Variants in CEP85L observed in about 807,000 individuals in gnomAD.
CEP85L encodes the protein centrosomal protein of 85 kDa-like.
CEP85L carries 60 observed loss-of-function variants against 100.3 expected under a neutral mutation model. The ratio of observed to expected loss-of-function variants is 0.60; its 90% CI spans 0.49 to 0.74. The LOEUF is 0.74. Ranked by LOEUF, CEP85L falls within the 30% of genes least tolerant of loss-of-function variation. The pLI is 0.00. For synonymous variants in CEP85L, 319 were observed against 322.7 expected (o/e 0.99, Z 0.12); for missense variants, 973 against 936.2 (o/e 1.04, Z -0.51).
chr6:118,496,659 G>T (rs540159528), intron 5 of CEP85L, among the ~76,000 whole-genome samples: 1 of 152,198 alleles, frequency 6.6e-6, no homozygotes, highest in South Asian at 2.1e-4. Flanking sequence ...GGCCAGAAGT[G>T]ATTGCTTTCT....
At chr6:118,632,298 G>A (rs913165871) in intron 2 of CEP85L, among the ~76,000 whole-genome samples, 155 bp downstream of exon 2, 3 of 152,122 alleles carry the variant, frequency 2.0e-5, no homozygotes, top group Admixed American at 6.6e-5. Flanking sequence ...CGATTAGAGG[G>A]ACAATTTTAT....
At chr6:118,612,984 C>A (rs1418989588) in intron 2 of CEP85L, among the ~76,000 whole-genome samples, 1 of 151,664 alleles carries the variant, frequency 6.6e-6, no homozygotes, top group Non-Finnish European at 1.5e-5. Context: ...TTTGGGAGGT[C>A]GAGGCGGGCG....
chr6:118,463,451 C>T lies in CEP85L; in HGVS notation c.*1954G>A, dbSNP rs1013044837. On this transcript the variant is annotated 3_prime_UTR_variant, in exon 13 of 13. Transcript: ENST00000368491. ...AGAGAGTGTAAAAATATTTGCTGCA[C>T]TTGTGGCTGATCTATTTTAGACGTT... 2.6e-5 allele frequency: 4 copies of T among 151,936 alleles called. No individual in the cohort carries two copies. Among genetic ancestry groups the T allele is most frequent in the African/African-American group, 9.7e-5 (4 of 41,396 alleles). 9.4% of individuals were successfully genotyped at this position (151,936 alleles called of 1,614,324 possible). A position where few individuals can be genotyped will look rare whatever the true frequency, so the allele number is the denominator to read the frequency against.
At chr6:118,552,184 G>T (rs1778587161) in intron 3 of CEP85L, among the ~76,000 whole-genome samples, 1 of 151,798 alleles carries the variant, frequency 6.6e-6, no homozygotes, top group African/African-American at 2.4e-5. Flanking sequence ...GTACTCCCAT[G>T]TTTACTAAAA....
chr6:118,546,924 T>C (rs1778238425), intron 3 of CEP85L, among the ~76,000 whole-genome samples: 1 of 152,140 alleles, frequency 6.6e-6, no homozygotes. Flanking sequence ...TTTGCTAAAA[T>C]ATTATTTTTC....
upstream of CEP85L, chr6:118,651,880 T>G: frequency 1.0e-6 from 1 of 985,360 alleles, no homozygotes; most frequent in Non-Finnish European, 1.2e-6. Context: ...GGGTAATCCC[T>G]CACGCCCTCC....
At chr6:118,684,566 A>G (rs1275464586) in intron 1 of CEP85L, among the ~76,000 whole-genome samples, 1 of 152,200 alleles carries the variant, frequency 6.6e-6, no homozygotes. Flanking sequence ...CTGCAAAGAA[A>G]TCTCATAAAT....
intron 2 of CEP85L, among the ~76,000 whole-genome samples, chr6:118,612,516 G>A (rs1404181375): frequency 1.3e-5 from 2 of 149,406 alleles, no homozygotes; most frequent in African/African-American, 4.9e-5. Context: ...AAAAAAATTA[G>A]CCAGGCATGG....
At chr6:118,502,465 G>T in intron 5 of CEP85L, 1 of 523,282 alleles carries the variant, frequency 1.9e-6, no homozygotes, top group South Asian at 1.6e-5. Flanking sequence ...GGCCATACTA[G>T]GACACTTGAC....
At chr6:118,475,681 C>T (rs963209620) in intron 10 of CEP85L, among the ~76,000 whole-genome samples, 3 of 152,032 alleles carry the variant, frequency 2.0e-5, no homozygotes, top group Non-Finnish European at 2.9e-5. Context: ...ACTGTTAATG[C>T]TTGAGTTCTT....
intron 1 of CEP85L, among the ~76,000 whole-genome samples, chr6:118,677,513 C>T (rs1371825612): frequency 1.3e-5 from 2 of 152,284 alleles, no homozygotes; most frequent in Non-Finnish European, 2.9e-5. Flanking sequence ...GTGTATTTAA[C>T]TACTACAGAT....
At chr6:118,597,018 G>A (rs114019677) in intron 2 of CEP85L, among the ~76,000 whole-genome samples, 1 of 151,714 alleles carries the variant, frequency 6.6e-6, no homozygotes, top group African/African-American at 2.4e-5. Flanking sequence ...GATAGCGAGA[G>A]AGTTCTCATG....
rs529980359 is a variant in CEP85L, at chr6:118,472,147, AAAGAT to A, written c.1915-1508_1915-1504del. 2.0e-3 allele frequency among the ~76,000 whole-genome samples: 308 copies of A among 152,152 alleles called. 2 individuals carry two copies. The highest frequency in any genetic ancestry group is 6.9e-3 in the African/African-American group (287 of 41,558). On this transcript the variant is annotated intron_variant, in intron 10 of 12. Transcript: ENST00000368491. Reference sequence around the variant, plus strand: ...CATTGTAACAGAATACAGTCCTTTAAAAGATAAGAGTTTTATATTTTTACCAATTC... The same window carrying A: ...CATTGTAACAGAATACAGTCCTTTAAAAGAGTTTTATATTTTTACCAATTC...
rs577753084 is a variant in CEP85L at position 118,484,558 on chromosome 6, G to A, written c.1438-700C>T. Among the ~76,000 whole-genome samples, 16 of 152,260 alleles carry A rather than the reference G, an allele frequency of 1.1e-4. No individual in the cohort carries two copies. In the South Asian group the frequency reaches 3.3e-3, roughly 32 times the overall value. ...AAACTATGTGTTGAGTTTAAATGAT[G>A]TCTAAAATGCCTAAACAATGTTACC... On this transcript the variant is annotated intron_variant, in intron 6 of 12. Coordinates refer to ENST00000368491, the MANE Select transcript of CEP85L (RefSeq NM_001042475.3).
chr6:118,629,182 T>G (rs1367533797), intron 2 of CEP85L, among the ~76,000 whole-genome samples: 1 of 152,198 alleles, frequency 6.6e-6, no homozygotes, highest in Non-Finnish European at 1.5e-5. Context: ...TACTACACTA[T>G]TCTATATAAA....
At chr6:118,524,653 T>C (rs750670926) in intron 3 of CEP85L, among the ~76,000 whole-genome samples, 7 of 152,372 alleles carry the variant, frequency 4.6e-5, no homozygotes, top group Non-Finnish European at 1.0e-4. Flanking sequence ...CAAGTTGACA[T>C]GCATCACATC....
rs572215851 is a variant in CEP85L at position 118,577,493 on chromosome 6, C to T, written c.233-11177G>A. 5.8e-4 allele frequency among the ~76,000 whole-genome samples: 89 copies of T among 152,190 alleles called. 1 individual carries two copies. The highest frequency in any genetic ancestry group is 1.7e-3 in the African/African-American group (72 of 41,530). On this transcript the variant is annotated intron_variant, in intron 2 of 12. Coordinates refer to ENST00000368491, the MANE Select transcript of CEP85L (RefSeq NM_001042475.3). ...ATGAATTTAAAGCCCAAAATCAAAT[C>T]GCTGCAGGATTTGAATCTGTATTGT...
At chr6:118,533,344 C>T (rs534345340) in intron 3 of CEP85L, among the ~76,000 whole-genome samples, 5 of 152,220 alleles carry the variant, frequency 3.3e-5, no homozygotes, top group African/African-American at 1.2e-4. Context: ...AACAATTCTA[C>T]ACACACCAAT....
At chr6:118,609,351 A>T (rs748788978) in intron 2 of CEP85L, among the ~76,000 whole-genome samples, 1 of 152,220 alleles carries the variant, frequency 6.6e-6, no homozygotes, top group Non-Finnish European at 1.5e-5. Context: ...TAATATCTGA[A>T]ATATGAATTT....
Sources: allele counts gnomAD v4.1 joint callset (sites outside exome capture counted in the v4.1 genomes callset), GRCh38; gene constraint gnomAD v4.1.1; transcripts MANE v1.5; gene names NCBI Gene and HGNC (gene_info 2026-07-23, HGNC 2026-07-21).